FBXL13: variants seen among roughly 807,000 people sequenced by gnomAD.
FBXL13 encodes F-box and leucine-rich repeat protein 13.
A neutral mutation model predicts 83.6 loss-of-function variants in FBXL13; 67 were observed. That is an observed-to-expected ratio of 0.80 (90% confidence interval 0.66 to 0.98). The LOEUF (loss-of-function observed/expected upper bound fraction) is 0.98, where lower values mean the gene tolerates loss of function less well. Among genes scored for constraint, FBXL13 ranks in the 50% least tolerant of loss-of-function variants. FBXL13 has a pLI of 0.00. For missense variants in FBXL13, 822 were observed against 866.5 expected (o/e 0.95, Z 0.64); for synonymous variants, 272 against 299.5 (o/e 0.91, Z 0.95).
chr7:103,039,565 G>T (rs971696294), intron 2 of FBXL13, among the ~76,000 whole-genome samples: 1 of 152,050 alleles, frequency 6.6e-6, no homozygotes, highest in African/African-American at 2.4e-5. Flanking sequence ...AATGTTAAGG[G>T]CAGCCAGAGA....
At chr7:103,019,965 C>T (rs1792925154) in intron 6 of FBXL13, among the ~76,000 whole-genome samples, 1 of 152,200 alleles carries the variant, frequency 6.6e-6, no homozygotes, top group Non-Finnish European at 1.5e-5. Flanking sequence ...CAACCCCTAA[C>T]TCATTTTATG....
chr7:102,818,578 T>A (rs530251755), intron 19 of FBXL13, among the ~76,000 whole-genome samples: 1 of 152,170 alleles, frequency 6.6e-6, no homozygotes, highest in Admixed American at 6.5e-5. Context: ...TTTTATTTTT[T>A]ATCAACACAG....
chr7:103,041,963 T>A (rs956785406), intron 2 of FBXL13, among the ~76,000 whole-genome samples: 1 of 152,162 alleles, frequency 6.6e-6, no homozygotes, highest in African/African-American at 2.4e-5. Flanking sequence ...GTTTTGGAAG[T>A]TCTTCTGGCT....
At chr7:102,815,872 A>T (rs547051388) in intron 19 of FBXL13, among the ~76,000 whole-genome samples, 7 of 152,316 alleles carry the variant, frequency 4.6e-5, no homozygotes, top group Admixed American at 1.3e-4. Flanking sequence ...ACATAAAACA[A>T]TTAGCAAGTA....
intron 17 of FBXL13, 68 bp downstream of exon 18, chr7:102,854,709 T>C (rs1308741876): frequency 3.1e-6 from 3 of 972,206 alleles, no homozygotes; most frequent in Non-Finnish European, 4.5e-6. Flanking sequence ...TTTTTATTCA[T>C]TGGAAAAAAA....
At chr7:103,033,137 A>T (rs1242351403) in intron 2 of FBXL13, among the ~76,000 whole-genome samples, 1 of 152,198 alleles carries the variant, frequency 6.6e-6, no homozygotes, top group Non-Finnish European at 1.5e-5. Context: ...TTGACAGACA[A>T]GAGACTAAGA....
chr7:103,008,793 G>A (rs151329970), intron 6 of FBXL13, among the ~76,000 whole-genome samples: 3,282 of 152,230 alleles, frequency 0.022, 108 homozygotes, highest in African/African-American at 0.075. Flanking sequence ...CCTGACCTCA[G>A]GTGATCTGCC....
At chr7:103,062,794 C>T (rs926054755) in intron 1 of FBXL13, among the ~76,000 whole-genome samples, 4 of 152,124 alleles carry the variant, frequency 2.6e-5, no homozygotes, top group African/African-American at 9.7e-5. Flanking sequence ...AATCTCATCC[C>T]AAATGGATAA....
In FBXL13 at chr7:102,891,778, A is replaced by G. The variant is rs17135898; in HGVS notation, c.1009-7466T>C. Among the ~76,000 whole-genome samples the G allele has an allele frequency of 0.014, 2,124 of 152,346 alleles. 118 individuals carry two copies. In the East Asian group the frequency reaches 0.16, roughly 12 times the overall value. ...CCAACTCTGTGTGCATTTACTGCAC[A>G]ATGACTCAGAGCTGGGATCTGTCAG... On this transcript the variant is annotated intron_variant, in intron 11 of 19. Transcript: ENST00000313221.
intron 1 of FBXL13, among the ~76,000 whole-genome samples, chr7:103,063,135 T>C (rs1260941079): frequency 2.0e-5 from 3 of 152,208 alleles, no homozygotes; most frequent in Non-Finnish European, 4.4e-5. Context: ...TGGGCAAGAA[T>C]AGTATAACGG....
At position 102,834,124 on chromosome 7, in the gene FBXL13, AAGAAAGAAAG is replaced by A. The variant is rs1203426979; in HGVS notation, c.1720-1160_1720-1151del. 5.6e-4 allele frequency among the ~76,000 whole-genome samples: 62 copies of A among 111,540 alleles called. 2 individuals are homozygous for A. The highest frequency in any genetic ancestry group is 4.6e-3 in the Middle Eastern group (1 of 218). The allele number at this position is 111,540 out of a possible 152,430, so 73.2% of individuals were successfully genotyped here. A position where few individuals can be genotyped will look rare whatever the true frequency, so the allele number is the denominator to read the frequency against. The stretch of plus-strand genomic sequence containing the variant: ...AAAGAAAGAAAGAAAGAAAGAAAGA[AAGAAAGAAAG>A]AAAGAAAAGAGAAGACAAGAGAAAA... On this transcript the variant is annotated intron_variant, in intron 17 of 19. Coordinates refer to ENST00000313221, the Ensembl canonical transcript of FBXL13.
chr7:102,837,332 GAGA>G (rs1283746204), intron 17 of FBXL13, among the ~76,000 whole-genome samples: 2 of 152,204 alleles, frequency 1.3e-5, no homozygotes, highest in Non-Finnish European at 2.9e-5. Flanking sequence ...CCCAGCCTCA[GAGA>G]AGCTCCCTGT....
intron 8 of FBXL13, among the ~76,000 whole-genome samples, chr7:102,941,061 C>A (rs1035008345): frequency 1.3e-5 from 2 of 152,150 alleles, no homozygotes; most frequent in African/African-American, 4.8e-5. Flanking sequence ...TTAGAGTTAA[C>A]CTTTTTTTAA....
chr7:102,971,594 CAAA>C (rs11447254), intron 6 of FBXL13, among the ~76,000 whole-genome samples: 6 of 115,052 alleles, frequency 5.2e-5, no homozygotes, highest in Admixed American at 9.4e-5. Flanking sequence ...AACTCCGTCT[CAAA>C]AAAAAAAAAA....
intron 8 of FBXL13, chr7:102,933,704 T>C (rs1585013433): frequency 2.3e-6 from 1 of 429,650 alleles, no homozygotes; most frequent in South Asian, 4.3e-5. Context: ...AAAAAGTCTG[T>C]TCTTATCTGT....
At position 103,055,751 on chromosome 7, in the gene FBXL13, G is replaced by A. The variant is rs1277146661; in HGVS notation, c.-104-4C>T. ...CAAGTATACCACATAACAGTGCCTAGGGGAAAAAAGGGAAATGGCATCAAT... is the reference window on the plus strand; with the variant it reads ...CAAGTATACCACATAACAGTGCCTAAGGGAAAAAAGGGAAATGGCATCAAT... On this transcript the variant is annotated splice_region_variant and splice_polypyrimidine_tract_variant and intron_variant, in intron 1 of 19. Coordinates refer to ENST00000313221, the Ensembl canonical transcript of FBXL13. The A allele has an allele frequency of 8.3e-7, 1 of 1,202,898 alleles. No homozygotes were observed. The highest frequency in any genetic ancestry group is 1.1e-6 in the Non-Finnish European group (1 of 922,646). 74.5% of individuals were successfully genotyped at this position (1,202,898 alleles called of 1,614,324 possible). A position where few individuals can be genotyped will look rare whatever the true frequency, so the allele number is the denominator to read the frequency against.
At chr7:102,932,125 C>T (rs1283074568) in intron 8 of FBXL13, among the ~76,000 whole-genome samples, 192 bp from the exon 10 acceptor site, 8 of 152,050 alleles carry the variant, frequency 5.3e-5, no homozygotes, top group African/African-American at 1.7e-4. Context: ...AATACACAGA[C>T]ATGTTTATTA....
intron 18 of FBXL13, among the ~76,000 whole-genome samples, chr7:102,827,889 T>C (rs1007183188): frequency 2.6e-5 from 4 of 152,148 alleles, no homozygotes; most frequent in African/African-American, 4.8e-5. Flanking sequence ...GATCAGATGG[T>C]TGTAGATATG....
intron 8 of FBXL13, among the ~76,000 whole-genome samples, chr7:102,948,843 C>T (rs1822963876): frequency 1.3e-5 from 2 of 152,118 alleles, no homozygotes; most frequent in African/African-American, 4.8e-5. Flanking sequence ...ACCCAAGTAG[C>T]TGGAATCACA....
Sources: allele counts gnomAD v4.1 joint callset (sites outside exome capture counted in the v4.1 genomes callset), GRCh38; gene constraint gnomAD v4.1.1; transcripts MANE v1.5; gene names NCBI Gene and HGNC (gene_info 2026-07-23, HGNC 2026-07-21).